The following TPH2 variants were observed in gnomAD, a reference collection of about 807,000 sequenced individuals.
The protein encoded by TPH2 is tryptophan hydroxylase 2.
Under a neutral mutation model 59.1 loss-of-function variants are expected in TPH2, and 27 were observed. The ratio of observed to expected loss-of-function variants is 0.46; its 90% confidence interval spans 0.34 to 0.63. The LOEUF is 0.63. Among genes scored for constraint, TPH2 ranks in the 30% least tolerant of loss-of-function variants. TPH2 has a pLI of 0.01. For missense variants in TPH2, 523 were observed against 588.3 expected, an observed-to-expected ratio of 0.89 and a Z score of 1.15; for synonymous variants, 220 against 210.5, an observed-to-expected ratio of 1.05 and a Z score of -0.39.
chr12:71,958,334 T>A (rs922266286), intron 5 of TPH2, among the ~76,000 whole-genome samples: 2 of 152,198 alleles, frequency 1.3e-5, no homozygotes, highest in Non-Finnish European at 2.9e-5. Flanking sequence ...CACCGTTTTC[T>A]TTTTTGTTTT....
At chr12:71,983,422 A>C (rs1183198913) in intron 7 of TPH2, among the ~76,000 whole-genome samples, 1 of 152,194 alleles carries the variant, frequency 6.6e-6, no homozygotes, top group Non-Finnish European at 1.5e-5. Flanking sequence ...AAGTTATTCC[A>C]ATAAACCTTC....
intron 8 of TPH2, among the ~76,000 whole-genome samples, chr12:72,000,712 T>C (rs904461291): frequency 2.6e-5 from 4 of 152,244 alleles, no homozygotes; most frequent in East Asian, 1.9e-4. Context: ...ATAAATATCA[T>C]GCAGTATGAG....
At chr12:72,029,709 G>T (rs558105203) in intron 9 of TPH2, among the ~76,000 whole-genome samples, 2 of 152,228 alleles carry the variant, frequency 1.3e-5, no homozygotes, top group South Asian at 4.1e-4. Flanking sequence ...GAGGCCCTCT[G>T]CATTCTGTGA....
chr12:72,003,824 T>C (rs1009079018), intron 8 of TPH2, among the ~76,000 whole-genome samples: 1 of 152,236 alleles, frequency 6.6e-6, no homozygotes, highest in Non-Finnish European at 1.5e-5. Flanking sequence ...GGAATAGTTA[T>C]ATATTTTTGC....
At chr12:71,945,407 G>T (rs1459679659) in intron 4 of TPH2, among the ~76,000 whole-genome samples, 2 of 152,050 alleles carry the variant, frequency 1.3e-5, no homozygotes, top group Non-Finnish European at 2.9e-5. Context: ...AGTAAGCAAT[G>T]CACCCATTCA....
chr12:71,972,715 G>C lies in TPH2; in HGVS notation c.805G>C (p.Glu269Gln). The C allele has an allele frequency of 1.2e-6, 2 of 1,613,480 alleles. No individual in the cohort carries two copies. The highest frequency in any genetic ancestry group is 4.5e-5 in the East Asian group (2 of 44,886). The change falls in exon 6 of 11, where the codon GAA (glutamate) becomes CAA (glutamine). Residue 269 changes from glutamate to glutamine, a missense_variant and splice_region_variant. Physicochemically the swap from Glu to Gln is conservative, Grantham distance 29. Transcript: ENST00000333850. Reference protein sequence around the residue: ...QLEDVSMFLKERSGFTVRPVA... With the variant: ...QLEDVSMFLKQRSGFTVRPVA... ...CGAAGATGTCTCCATGTTTCTGAAA[G>C]GTAAGATTTCACACAGGCTGTCTCT...
At chr12:71,979,120 A>C (rs746975189) in intron 7 of TPH2, 33 bp downstream of exon 7, 3 of 1,613,776 alleles carry the variant, frequency 1.9e-6, no homozygotes, top group Non-Finnish European at 2.5e-6. Flanking sequence ...AGGCCACCAC[A>C]CCATAAAGTG....
intron 6 of TPH2, among the ~76,000 whole-genome samples, chr12:71,977,202 G>A (rs1430220840): frequency 6.6e-6 from 1 of 152,140 alleles, no homozygotes; most frequent in Non-Finnish European, 1.5e-5. Context: ...GACTACAGGT[G>A]CGTGCTGTCT....
chr12:71,972,429 G>A lies in TPH2; in HGVS notation c.609-90G>A, dbSNP rs1032725548. 1.8e-5 allele frequency: 23 copies of A among 1,300,500 alleles called. No individual in the cohort carries two copies. In the African/African-American group the frequency reaches 2.6e-4, roughly 15 times the overall value. The allele number at this position is 1,300,500 out of a possible 1,614,324, so 80.6% of individuals were successfully genotyped here. On this transcript the variant is annotated intron_variant, in intron 5 of 10. Coordinates refer to ENST00000333850, the MANE Select transcript of TPH2 (RefSeq NM_173353.4). The stretch of plus-strand genomic sequence containing the variant: ...GACGCTCATGTGCTCCACTTTGCCA[G>A]GGTCTGACTTGTGATAGGTATTGAG...
At chr12:72,017,149 G>A (rs1873276375) in intron 8 of TPH2, among the ~76,000 whole-genome samples, 1 of 152,170 alleles carries the variant, frequency 6.6e-6, no homozygotes, top group African/African-American at 2.4e-5. Context: ...TATTTTATTG[G>A]TGTGATTCTG....
At position 71,996,065 on chromosome 12, in the gene TPH2, G is replaced by A. The variant is rs147811810; in HGVS notation, c.1068+1500G>A. ...GGAAATTTGAAAGCAGCTTAGCTGA[G>A]TGGTTCTGGCTCAGGGACTCTCAGG... On this transcript the variant is annotated intron_variant, in intron 8 of 10. Transcript: ENST00000333850. Among the ~76,000 whole-genome samples the A allele has an allele frequency of 2.5e-3, 380 of 152,340 alleles. 2 individuals carry two copies. The highest frequency in any genetic ancestry group is 8.1e-3 in the African/African-American group (335 of 41,588).
intron 6 of TPH2, among the ~76,000 whole-genome samples, chr12:71,973,478 A>G (rs1031943786): frequency 3.9e-5 from 6 of 152,226 alleles, no homozygotes; most frequent in African/African-American, 1.2e-4. Flanking sequence ...CAATGTCGGG[A>G]AATTACCCTA....
intron 7 of TPH2, among the ~76,000 whole-genome samples, chr12:71,988,414 A>C (rs898827418): frequency 1.2e-4 from 19 of 152,304 alleles, no homozygotes; most frequent in Admixed American, 9.1e-4. Flanking sequence ...GCATAGTGGC[A>C]TCTGTTTCTG....
intron 5 of TPH2, among the ~76,000 whole-genome samples, chr12:71,949,973 CCTTGA>C (rs1871300749): frequency 6.6e-6 from 1 of 151,992 alleles, no homozygotes; most frequent in African/African-American, 2.4e-5. Flanking sequence ...TTTACTTTAG[CCTTGA>C]CTTTTCAGTA....
intron 5 of TPH2, chr12:71,962,625 T>C: frequency 2.0e-6 from 2 of 985,460 alleles, no homozygotes; most frequent in South Asian, 9.4e-5. Context: ...CCTGCCAGAC[T>C]CTCTGAGGCA....
At chr12:72,031,433 A>C in intron 10 of TPH2, 42 bp downstream of exon 10, 1 of 1,612,962 alleles carries the variant, frequency 6.2e-7, no homozygotes, top group Non-Finnish European at 8.5e-7. Context: ...ATAACTTTTT[A>C]TTTTTCTGTC....
At chr12:71,981,168 G>A (rs148624165) in intron 7 of TPH2, among the ~76,000 whole-genome samples, 71 of 152,298 alleles carry the variant, frequency 4.7e-4, no homozygotes, top group African/African-American at 1.7e-3. Flanking sequence ...GGGAGGCTTT[G>A]CAAGTCAGGG....
chr12:71,984,787 G>A lies in TPH2; in HGVS notation c.941+5700G>A, dbSNP rs147359523. ...GAAAATGGCATGTTCCCAGAAAGCC[G>A]GTCATCTGGCCTACCTTTCCTGCTT... On this transcript the variant is annotated intron_variant, in intron 7 of 10. Transcript: ENST00000333850. Among the ~76,000 whole-genome samples, 45 of 152,264 alleles carry A rather than the reference G, an allele frequency of 3.0e-4. 2 individuals are homozygous for A. The East Asian group carries it at 5.8e-3, about 20-fold the overall frequency.
chr12:71,987,706 GC>G (rs1566143780), intron 7 of TPH2, among the ~76,000 whole-genome samples: 1 of 152,090 alleles, frequency 6.6e-6, no homozygotes, highest in South Asian at 2.1e-4. Context: ...AAAAAAATTA[GC>G]CAGGGGTGGT....
Sources: allele counts gnomAD v4.1 joint callset (sites outside exome capture counted in the v4.1 genomes callset), GRCh38; gene constraint gnomAD v4.1.1; transcripts MANE v1.5; gene names NCBI Gene and HGNC (gene_info 2026-07-23, HGNC 2026-07-21).